SKI: variants seen among roughly 807,000 people sequenced by gnomAD.
SKI encodes SKI proto-oncogene, also known as ski oncogene.
In SKI, 23 loss-of-function variants were observed where a neutral mutation model predicts 59.3. The ratio of observed to expected loss-of-function variants is 0.39; its 90% CI spans 0.28 to 0.55. The LOEUF is 0.55. Ranked by LOEUF, SKI falls within the 20% of genes least tolerant of loss-of-function variation. The pLI, the probability that SKI is intolerant of heterozygous loss-of-function variation, is 0.67. For missense variants in SKI, 1,017 were observed against 1,038.9 expected (o/e 0.98, Z 0.29); for synonymous variants, 673 against 488.6 (o/e 1.38, Z -4.98).
chr1:2,234,297 C>T (rs1638705360), intron 1 of SKI, among the ~76,000 whole-genome samples: 1 of 152,152 alleles, frequency 6.6e-6, no homozygotes, highest in African/African-American at 2.4e-5. Context: ...GCTTAGTGGT[C>T]ATTTTCCCGG....
At chr1:2,263,234 ATTTTTTT>A (rs35975887) in intron 1 of SKI, among the ~76,000 whole-genome samples, 2 of 118,472 alleles carry the variant, frequency 1.7e-5, no homozygotes, top group African/African-American at 6.6e-5. Flanking sequence ...TTTGCTTAGA[ATTTTTTT>A]TTTTTTTTTT....
At chr1:2,276,377 C>T (rs949354520) in intron 1 of SKI, among the ~76,000 whole-genome samples, 2 of 152,184 alleles carry the variant, frequency 1.3e-5, no homozygotes, top group African/African-American at 4.8e-5. Context: ...AGGGCTGCCC[C>T]GACTGGCCTG....
At chr1:2,293,544 C>T (rs377104262) in intron 1 of SKI, among the ~76,000 whole-genome samples, 4 of 152,206 alleles carry the variant, frequency 2.6e-5, no homozygotes, top group East Asian at 1.9e-4. Context: ...CTCTGGACTG[C>T]GTTTGGATGA....
chr1:2,257,693 T>C (rs1639302323), intron 1 of SKI, among the ~76,000 whole-genome samples: 1 of 152,174 alleles, frequency 6.6e-6, no homozygotes, highest in South Asian at 2.1e-4. Context: ...GACATGTTTC[T>C]CTGGATTTGC....
chr1:2,306,353 C>A, intron 6 of SKI, 103 bp downstream of exon 6: 1 of 1,197,520 alleles, frequency 8.4e-7, no homozygotes, highest in Non-Finnish European at 1.1e-6. Context: ...GGAGCAGAAG[C>A]CAGGCCCGGG....
intron 5 of SKI, among the ~76,000 whole-genome samples, 193 bp from the exon 6 acceptor site, chr1:2,305,827 C>T (rs1002016900): frequency 6.6e-6 from 1 of 152,148 alleles, no homozygotes; most frequent in Non-Finnish European, 1.5e-5. Context: ...GGCGGAAACT[C>T]CGGATGGGGG....
intron 1 of SKI, among the ~76,000 whole-genome samples, chr1:2,296,298 G>A (rs1169339404): frequency 6.6e-6 from 1 of 152,176 alleles, no homozygotes; most frequent in Non-Finnish European, 1.5e-5. Flanking sequence ...AGGAGGCTGA[G>A]GTAGGAGGAT....
intron 1 of SKI, among the ~76,000 whole-genome samples, chr1:2,245,422 G>C (rs529983505): frequency 1.3e-5 from 2 of 152,322 alleles, no homozygotes; most frequent in Admixed American, 1.3e-4. Flanking sequence ...CCTGCCTTCA[G>C]TTCTGGGTGT....
intron 1 of SKI, among the ~76,000 whole-genome samples, chr1:2,292,948 G>C (rs1363535824): frequency 6.6e-6 from 1 of 152,202 alleles, no homozygotes; most frequent in African/African-American, 2.4e-5. Context: ...GCACCATTTG[G>C]GCCCGTGGAC....
At chr1:2,253,065 C>T (rs1307954834) in intron 1 of SKI, among the ~76,000 whole-genome samples, 2 of 149,126 alleles carry the variant, frequency 1.3e-5, no homozygotes, top group African/African-American at 5.0e-5. Flanking sequence ...CACTGTACTG[C>T]AGCCTGGGTG....
At chr1:2,265,305 C>G (rs1639479567) in intron 1 of SKI, among the ~76,000 whole-genome samples, 1 of 152,100 alleles carries the variant, frequency 6.6e-6, no homozygotes, top group Non-Finnish European at 1.5e-5. Flanking sequence ...TCAGGGTGCT[C>G]TTCTCATCTT....
intron 1 of SKI, among the ~76,000 whole-genome samples, chr1:2,250,311 C>T (rs1639115930): frequency 2.0e-5 from 3 of 152,204 alleles, no homozygotes; most frequent in Admixed American, 2.0e-4. Flanking sequence ...CCTCGTGCCG[C>T]TCTCTGGCCG....
At chr1:2,272,018 T>G (rs905595154) in intron 1 of SKI, among the ~76,000 whole-genome samples, 10 of 152,188 alleles carry the variant, frequency 6.6e-5, no homozygotes, top group Admixed American at 5.9e-4. Flanking sequence ...TGTGGGCAGG[T>G]GCAGGGGCAC....
intron 5 of SKI, 131 bp from the exon 6 acceptor site, chr1:2,305,889 C>T (rs1030099944): frequency 2.6e-6 from 2 of 773,120 alleles, no homozygotes; most frequent in South Asian, 3.0e-5. Context: ...GCTGATGGCG[C>T]GCTGGGGGCG....
In SKI at chr1:2,262,115, G is replaced by A. The variant is rs371444530; in HGVS notation, c.969+32380G>A. 1.6e-3 allele frequency among the ~76,000 whole-genome samples: 164 copies of A among 99,972 alleles called. 1 individual carries two copies. Among genetic ancestry groups the A allele is most frequent in the Middle Eastern group, 8.5e-3 (1 of 118 alleles). The allele number at this position is 99,972 out of a possible 152,430, so 65.6% of individuals were successfully genotyped here. A position where few individuals can be genotyped will look rare whatever the true frequency, so the allele number is the denominator to read the frequency against. ...GGACACCCTCGCTCCTGATCTCCTG[G>A]TCTGGAAGGCGTGGAATCAGAGTTT... is the stretch of plus-strand genomic sequence containing the variant. On this transcript the variant is annotated intron_variant, in intron 1 of 6. Coordinates refer to ENST00000378536, the MANE Select transcript of SKI (RefSeq NM_003036.4).
In SKI at chr1:2,270,894, C is replaced by T. The variant is rs947626082; in HGVS notation, c.970-32084C>T. Among the ~76,000 whole-genome samples, 17 of 152,214 alleles carry T rather than the reference C, an allele frequency of 1.1e-4. No homozygotes were observed. Among genetic ancestry groups the T allele is most frequent in the African/African-American group, 2.2e-4 (9 of 41,456 alleles). ...TGCCCCAGGGCACCTGGCCCTGTCC[C>T]GGGCCACCCCAGGCTGGACCAGCTG... On this transcript the variant is annotated intron_variant, in intron 1 of 6. Transcript: ENST00000378536. The surrounding 1 kb of genome is among the most constrained non-coding windows in gnomAD (Gnocchi z 4.1).
chr1:2,282,389 A>C (rs1639908411), intron 1 of SKI, among the ~76,000 whole-genome samples: 1 of 43,154 alleles, frequency 2.3e-5, no homozygotes, highest in Non-Finnish European at 4.8e-5. Context: ...CCGAGAAGAC[A>C]GGCGGTGGCG....
chr1:2,240,643 C>A (rs1027379138), intron 1 of SKI: 40 of 985,350 alleles, frequency 4.1e-5, no homozygotes, highest in Non-Finnish European at 4.5e-5. Context: ...ACAGCATTAA[C>A]AAGAAAACTT....
intron 1 of SKI, among the ~76,000 whole-genome samples, chr1:2,274,406 C>T (rs1639697543): frequency 6.6e-6 from 1 of 152,098 alleles, no homozygotes; most frequent in African/African-American, 2.4e-5. Context: ...GACGGCTGTG[C>T]TGCGTGGGGT....
Sources: allele counts gnomAD v4.1 joint callset (sites outside exome capture counted in the v4.1 genomes callset), GRCh38; gene constraint gnomAD v4.1.1; non-coding constraint Gnocchi (gnomAD v3.1); transcripts MANE v1.5; gene names NCBI Gene and HGNC (gene_info 2026-07-23, HGNC 2026-07-21).